SMC2: variants seen among roughly 807,000 people sequenced by gnomAD.
SMC2 encodes structural maintenance of chromosomes protein 2.
Under a neutral mutation model 142.6 loss-of-function variants are expected in SMC2, and 41 were observed. The observed-to-expected ratio is 0.29, with a 90% CI of 0.22 to 0.37. The LOEUF is 0.37. Ranked by LOEUF, SMC2 falls within the 10% of genes least tolerant of loss-of-function variation. SMC2 has a pLI of 1.00. For missense variants in SMC2, 1,265 were observed against 1,373.7 expected, an observed-to-expected ratio of 0.92 and a Z score of 1.25; for synonymous variants, 463 against 457.5, an observed-to-expected ratio of 1.01 and a Z score of -0.15.
chr9:104,094,525 TGGCG>T (rs1830224824), intron 1 of SMC2, 48 bp downstream of exon 1: 3 of 268,002 alleles, frequency 1.1e-5, no homozygotes, highest in Non-Finnish European at 1.9e-5. Flanking sequence ...CCAGACTTCC[TGGCG>T]GGAGGCGGGA....
upstream of SMC2, among the ~76,000 whole-genome samples, chr9:104,093,646 T>A (rs73663495): frequency 3.3e-5 from 5 of 152,200 alleles, no homozygotes; most frequent in South Asian, 1.0e-3. Context: ...GGGAGATGAA[T>A]AGCTATTTAG....
chr9:104,109,219 C>T (rs563460878), intron 9 of SMC2, among the ~76,000 whole-genome samples: 2 of 152,148 alleles, frequency 1.3e-5, no homozygotes, highest in Non-Finnish European at 2.9e-5. Context: ...CAATTTCCCT[C>T]AACTACCCAA....
intron 9 of SMC2, among the ~76,000 whole-genome samples, chr9:104,104,260 C>T (rs1324746279): frequency 1.3e-5 from 2 of 152,156 alleles, no homozygotes; most frequent in African/African-American, 4.8e-5. Flanking sequence ...ACCAACTTGT[C>T]TGAAGCCAGC....
At chr9:104,091,215 A>G (rs1424420506), upstream of SMC2, among the ~76,000 whole-genome samples, 1 of 152,234 alleles carries the variant, frequency 6.6e-6, no homozygotes, top group Non-Finnish European at 1.5e-5. Context: ...TTGTTGTGCA[A>G]ACATCATGAA....
chr9:104,123,088 C>T lies in SMC2; in HGVS notation c.2133-20C>T. 2 of 1,587,926 alleles carry T rather than the reference C, an allele frequency of 1.3e-6. No individual in the cohort carries two copies. Among genetic ancestry groups the T allele is most frequent in the Non-Finnish European group, 1.7e-6 (2 of 1,170,422 alleles). On this transcript the variant is annotated intron_variant, in intron 16 of 24. Coordinates refer to ENST00000374793, the MANE Select transcript of SMC2 (RefSeq NM_006444.3). ...CCAGAAAAATGACAGTCATTTCTTA[C>T]ATGTTTCTGTTTTTGTAAGGTATCG...
In SMC2 at chr9:104,133,083, A is replaced by T. The variant is rs1588000757; in HGVS notation, c.3108+958A>T. 1.3e-5 allele frequency among the ~76,000 whole-genome samples: 2 copies of T among 152,302 alleles called. 1 individual carries two copies. Among genetic ancestry groups the T allele is most frequent in the South Asian group, 4.1e-4 (2 of 4,834 alleles). ...TATTCTTCCTTCTGGCTTCAGGCTTACTTGATTGACAAAGTGACAAAGCCA... is the reference window on the plus strand; with the variant it reads ...TATTCTTCCTTCTGGCTTCAGGCTTTCTTGATTGACAAAGTGACAAAGCCA... On this transcript the variant is annotated intron_variant, in intron 22 of 24. Transcript: ENST00000374793.
intron 11 of SMC2, among the ~76,000 whole-genome samples, chr9:104,113,759 T>G (rs1158553015): frequency 6.6e-6 from 1 of 152,192 alleles, no homozygotes; most frequent in East Asian, 1.9e-4. Context: ...TGTTATTTTT[T>G]GGAATGAAAA....
Position 104,121,953 on chromosome 9 carries a change from C to T in SMC2, c.2133-1155C>T, listed in dbSNP as rs535373367. Among the ~76,000 whole-genome samples, 26 of 152,316 alleles carry T rather than the reference C, an allele frequency of 1.7e-4. No homozygotes were observed. In the East Asian group the frequency reaches 4.0e-3, roughly 24 times the overall value. On this transcript the variant is annotated intron_variant, in intron 16 of 24. Coordinates refer to ENST00000374793, the MANE Select transcript of SMC2 (RefSeq NM_006444.3). ...TATTTTTAGTAGAGATGGAGTTTCA[C>T]CACGTTGGCCAGGTTGGTCTCGAAC...
intron 22 of SMC2, 132 bp from the exon 23 acceptor site, chr9:104,134,283 G>A (rs1835295954): frequency 1.8e-6 from 1 of 548,816 alleles, no homozygotes; most frequent in Non-Finnish European, 3.1e-6. Context: ...TTTCACATGG[G>A]CCATAGTTTG....
chr9:104,120,016 G>A lies in SMC2; in HGVS notation c.1997-11G>A, dbSNP rs760804258. On this transcript the variant is annotated splice_polypyrimidine_tract_variant and intron_variant, in intron 15 of 24. Coordinates refer to ENST00000374793, the MANE Select transcript of SMC2 (RefSeq NM_006444.3). ...CAATGTGGAAGACCTGTTTCAATTT[G>A]CCTCTATCAGGTGCTCGATCCCAGG... 6.2e-7 allele frequency: 1 copy of A among 1,613,218 alleles called. No homozygotes were observed. Among genetic ancestry groups the A allele is most frequent in the Non-Finnish European group, 8.5e-7 (1 of 1,179,680 alleles).
At chr9:104,101,674 G>A (rs190425430) in intron 7 of SMC2, among the ~76,000 whole-genome samples, 35 of 152,146 alleles carry the variant, frequency 2.3e-4, no homozygotes, top group Admixed American at 1.0e-3. Flanking sequence ...GTAACATGGT[G>A]GGTGTGTAAG....
intron 8 of SMC2, 83 bp downstream of exon 8, chr9:104,102,276 G>A (rs1186412007): frequency 1.2e-5 from 13 of 1,065,298 alleles, no homozygotes; most frequent in Non-Finnish European, 1.7e-5. Flanking sequence ...AGGATTCATT[G>A]GGCATTGTCT....
chr9:104,116,976 C>T (rs762053184), intron 14 of SMC2, among the ~76,000 whole-genome samples: 1 of 152,128 alleles, frequency 6.6e-6, no homozygotes. Flanking sequence ...ATTCCAAGTA[C>T]ATCAGTTGAA....
intron 18 of SMC2, among the ~76,000 whole-genome samples, chr9:104,126,428 C>T (rs1834289171): frequency 6.6e-6 from 1 of 151,820 alleles, no homozygotes; most frequent in Non-Finnish European, 1.5e-5. Flanking sequence ...GTTCTTTGAA[C>T]CTATAAAAAT....
At chr9:104,136,755 C>CTTTTTT (rs755408895) in intron 23 of SMC2, among the ~76,000 whole-genome samples, 18 of 119,842 alleles carry the variant, frequency 1.5e-4, no homozygotes, top group African/African-American at 5.6e-4. Context: ...CTGTTTTATT[C>CTTTTTT]TTTTTTTTTT....
chr9:104,094,557 G>C (rs2131263678), intron 1 of SMC2, 80 bp downstream of exon 1: 2 of 367,044 alleles, frequency 5.4e-6, no homozygotes, highest in Middle Eastern at 6.9e-4. Context: ...GGCGGGGCGC[G>C]GGGCGCGGGG....
At chr9:104,137,085 T>C (rs112739290) in intron 23 of SMC2, among the ~76,000 whole-genome samples, 8,626 of 151,994 alleles carry the variant, frequency 0.057, 659 homozygotes, top group African/African-American at 0.18. Context: ...GAGGTAGAGG[T>C]TGCAGTGAAC....
chr9:104,094,716 G>A (rs1323662614), intron 1 of SMC2: 11 of 330,940 alleles, frequency 3.3e-5, no homozygotes, highest in East Asian at 3.0e-4. Flanking sequence ...AGAAGTTGGA[G>A]AATATGAGAT....
intron 16 of SMC2, among the ~76,000 whole-genome samples, chr9:104,122,481 TTCCTCAGA>T (rs1380357138): frequency 3.3e-5 from 5 of 151,916 alleles, no homozygotes; most frequent in African/African-American, 1.2e-4. Context: ...TTTTTTTTTT[TTCCTCAGA>T]CCTCATGATT....
Sources: allele counts gnomAD v4.1 joint callset (sites outside exome capture counted in the v4.1 genomes callset), GRCh38; gene constraint gnomAD v4.1.1; transcripts MANE v1.5; gene names NCBI Gene and HGNC (gene_info 2026-07-23, HGNC 2026-07-21).